The following DHRS4L2 variants were observed in gnomAD, a reference collection of about 807,000 sequenced individuals.
DHRS4L2 encodes the protein dehydrogenase/reductase SDR family member 4-like 2.
A neutral mutation model predicts 23.9 loss-of-function variants in DHRS4L2; 22 were observed. That is an observed-to-expected ratio of 0.92 (90% CI 0.66 to 1.31). The LOEUF is 1.31. Ranked by LOEUF, DHRS4L2 falls within the 40% of genes most tolerant of loss-of-function variation. The probability of loss-of-function intolerance (pLI) is 0.00; values close to 1 mark genes in which losing one functional copy is unlikely to be tolerated. For synonymous variants in DHRS4L2, 141 were observed against 123.7 expected (o/e 1.14, Z -0.93); for missense variants, 385 against 303.3 (o/e 1.27, Z -2.00).
chr14:23,971,289 A>C (rs375292025), intron 1 of DHRS4L2, among the ~76,000 whole-genome samples: 1 of 152,084 alleles, frequency 6.6e-6, no homozygotes, highest in Admixed American at 6.5e-5. Context: ...TAGAATGAAG[A>C]ATGTAGAGAA....
upstream of DHRS4L2, among the ~76,000 whole-genome samples, chr14:23,986,451 T>C (rs2034141052): frequency 6.6e-6 from 1 of 150,380 alleles, no homozygotes; most frequent in Non-Finnish European, 1.5e-5. Context: ...GGCACATGTG[T>C]ACATATGTAA....
rs535728514 is a variant in DHRS4L2, at chr14:23,990,457, G to A, written c.306+98G>A. The A allele has an allele frequency of 8.9e-6, 13 of 1,456,960 alleles. No homozygotes were observed. The Admixed American group carries it at 1.3e-4, about 15-fold the overall frequency. 90.3% of individuals were successfully genotyped at this position (1,456,960 alleles called of 1,614,324 possible). On this transcript the variant is annotated intron_variant, in intron 2 of 7. Transcript: ENST00000335125. The stretch of plus-strand genomic sequence containing the variant: ...TCCTAGACAGCAGCACATTTTTACT[G>A]TGTGCCTTTCTATTATGTCCATATA...
chr14:23,982,785 C>A (rs2034076871), intron 1 of DHRS4L2, among the ~76,000 whole-genome samples: 1 of 151,524 alleles, frequency 6.6e-6, no homozygotes, highest in African/African-American at 2.4e-5. Flanking sequence ...CTTCCTTACA[C>A]CTTATACAAA....
intron 3 of DHRS4L2, among the ~76,000 whole-genome samples, chr14:23,997,576 T>C (rs1211387799): frequency 1.4e-5 from 2 of 145,840 alleles, no homozygotes; most frequent in Non-Finnish European, 3.0e-5. Flanking sequence ...TTCAACAATA[T>C]TCATGGCATC....
chr14:23,987,979 G>C (rs900668099), upstream of DHRS4L2, among the ~76,000 whole-genome samples: 5 of 151,610 alleles, frequency 3.3e-5, no homozygotes, highest in African/African-American at 1.2e-4. Flanking sequence ...CTGAAGTCTT[G>C]GACACAGAAT....
At chr14:23,989,371 G>C (rs2034218263) in intron 1 of DHRS4L2, among the ~76,000 whole-genome samples, 1 of 151,612 alleles carries the variant, frequency 6.6e-6, no homozygotes, top group Admixed American at 6.6e-5. Context: ...CCTAGCCTCT[G>C]GGAAGACCAG....
rs141841511 is a variant in DHRS4L2, at chr14:23,971,570, G to T, written c.-176+1238G>T. ...GTCAGACTCAGCAAGGTTAAGGGCAGCCAGAGAGAAAGGTTGGGTGACCAA... is the reference window on the plus strand; with the variant it reads ...GTCAGACTCAGCAAGGTTAAGGGCATCCAGAGAGAAAGGTTGGGTGACCAA... On this transcript the variant is annotated intron_variant, in intron 1 of 5. Coordinates refer to the DHRS4L2 transcript ENST00000534993. Among the ~76,000 whole-genome samples the T allele has an allele frequency of 5.6e-4, 85 of 152,112 alleles. 1 individual carries two copies. The highest frequency in any genetic ancestry group is 1.2e-3 in the Non-Finnish European group (79 of 67,968).
At chr14:24,001,010 G>C (rs199946299) in intron 4 of DHRS4L2, 23 bp from the exon 5 acceptor site, 2 of 1,611,340 alleles carry the variant, frequency 1.2e-6, no homozygotes, top group African/African-American at 1.4e-5. Flanking sequence ...CTGGGAAGAC[G>C]GTCAGCTCTC....
At chr14:23,975,757 G>C (rs1354855918) in intron 1 of DHRS4L2, among the ~76,000 whole-genome samples, 1 of 151,520 alleles carries the variant, frequency 6.6e-6, no homozygotes, top group Non-Finnish European at 1.5e-5. Flanking sequence ...CAGAACAGAG[G>C]CCTCAGAAAT....
upstream of DHRS4L2, chr14:23,988,793 G>C (rs1286207412): frequency 2.1e-6 from 3 of 1,402,620 alleles, no homozygotes; most frequent in Non-Finnish European, 2.8e-6. Context: ...GCGACTGGCG[G>C]GCGGCGGGAG....
At chr14:23,984,040 A>C (rs775973337), upstream of DHRS4L2, among the ~76,000 whole-genome samples, 28 of 151,700 alleles carry the variant, frequency 1.8e-4, 1 homozygote, top group South Asian at 1.3e-3. Context: ...ATAATTTAAA[A>C]AAAGAAAAAA....
Position 23,977,165 on chromosome 14 carries a change from A to C in DHRS4L2, c.-176+6833A>C, listed in dbSNP as rs572521044. ...CAAAATTAATAATCCATTCCATTTAAATAGACTATATCAGTCAGCCTCTGG... is the reference window on the plus strand; with the variant it reads ...CAAAATTAATAATCCATTCCATTTACATAGACTATATCAGTCAGCCTCTGG... On this transcript the variant is annotated intron_variant, in intron 1 of 5. Transcript: ENST00000534993. Among the ~76,000 whole-genome samples the C allele has an allele frequency of 1.2e-4, 18 of 152,058 alleles. No individual in the cohort carries two copies. In the East Asian group the frequency reaches 3.3e-3, roughly 28 times the overall value.
At chr14:23,990,416 G>A in intron 2 of DHRS4L2, 57 bp downstream of exon 2, 3 of 1,547,822 alleles carry the variant, frequency 1.9e-6, no homozygotes, top group Non-Finnish European at 2.6e-6. Context: ...GCCAGCCTGA[G>A]CCTCCTTCCC....
At chr14:23,973,072 C>T (rs2033895243) in intron 1 of DHRS4L2, among the ~76,000 whole-genome samples, 1 of 151,852 alleles carries the variant, frequency 6.6e-6, no homozygotes. Flanking sequence ...CATGGGCAGG[C>T]AGGAGACAGT....
chr14:23,986,576 A>G (rs1224635897), upstream of DHRS4L2, among the ~76,000 whole-genome samples: 1 of 151,274 alleles, frequency 6.6e-6, no homozygotes. Context: ...CCCTGCCCAC[A>G]CAAGGAAGGG....
intron 1 of DHRS4L2, among the ~76,000 whole-genome samples, chr14:23,979,067 A>T (rs2034015064): frequency 7.1e-6 from 1 of 140,920 alleles, no homozygotes; most frequent in South Asian, 2.4e-4. Context: ...ATGTGCCAAG[A>T]CACACATAGG....
At chr14:23,987,472 T>C (rs1407620646), upstream of DHRS4L2, among the ~76,000 whole-genome samples, 6 of 151,546 alleles carry the variant, frequency 4.0e-5, 1 homozygote, top group African/African-American at 7.3e-5. Context: ...CCTGCACATA[T>C]ACTAAATGAA....
At chr14:23,977,640 G>T (rs2033992308) in intron 1 of DHRS4L2, among the ~76,000 whole-genome samples, 2 of 151,690 alleles carry the variant, frequency 1.3e-5, no homozygotes, top group South Asian at 4.2e-4. Flanking sequence ...GTCGTATGTG[G>T]TTATAACTTC....
At chr14:23,972,622 A>C (rs1336791491) in intron 1 of DHRS4L2, among the ~76,000 whole-genome samples, 1 of 151,958 alleles carries the variant, frequency 6.6e-6, no homozygotes, top group African/African-American at 2.4e-5. Context: ...GTCAGGTGGG[A>C]CAAGAGACTG....
Sources: gnomAD v4.1 joint callset for allele counts (sites outside exome capture counted in the v4.1 genomes callset) on GRCh38, gnomAD v4.1.1 for gene constraint, MANE v1.5 for transcripts, NCBI Gene and HGNC (gene_info 2026-07-23, HGNC 2026-07-21) for gene names.